TCEA1: variants seen among roughly 807,000 people sequenced by gnomAD.
The protein encoded by TCEA1 is transcription elongation factor A1.
Under a neutral mutation model 43.8 loss-of-function variants are expected in TCEA1, and 21 were observed. The observed-to-expected ratio is 0.48, with a 90% CI of 0.34 to 0.69. The LOEUF (loss-of-function observed/expected upper bound fraction) is 0.69, where lower values mean the gene tolerates loss of function less well. Among genes scored for constraint, TCEA1 ranks in the 30% least tolerant of loss-of-function variants. TCEA1 has a pLI of 0.01. For synonymous variants in TCEA1, 104 were observed against 117.5 expected, an observed-to-expected ratio of 0.88 and a Z score of 0.75; for missense variants, 250 against 365.1, an observed-to-expected ratio of 0.68 and a Z score of 2.57.
chr8:53,976,567 G>C lies in TCEA1; in HGVS notation c.825+2458C>G, dbSNP rs1366324950. Among the ~76,000 whole-genome samples the C allele has an allele frequency of 1.2e-4, 19 of 152,114 alleles. 1 individual carries two copies. Among genetic ancestry groups the C allele is most frequent in the Admixed American group, 1.2e-3 (19 of 15,278 alleles). ...GAAAATCATACTGGCTCCAACTTTA[G>C]GCTGGGTTCCTTTTGCTAAAAGAAA... is the stretch of plus-strand genomic sequence containing the variant. On this transcript the variant is annotated intron_variant, in intron 8 of 9. Coordinates refer to ENST00000521604, the MANE Select transcript of TCEA1 (RefSeq NM_006756.4).
intron 7 of TCEA1, among the ~76,000 whole-genome samples, chr8:53,981,133 G>A (rs1410253660): frequency 6.6e-6 from 1 of 152,166 alleles, no homozygotes; most frequent in Admixed American, 6.5e-5. Context: ...TGGTTCATGA[G>A]GTTTAAGGAA....
Position 53,988,180 on chromosome 8 carries a change from G to C in TCEA1, c.400C>G (p.Pro134Ala), listed in dbSNP as rs769590882. The C allele has an allele frequency of 1.2e-6, 2 of 1,613,060 alleles. No individual in the cohort carries two copies. The highest frequency in any genetic ancestry group is 2.7e-5 in the African/African-American group (2 of 75,034). ...AACCGCACAGAATCAGAAGTGCTTG[G>C]TGCCCGAGGAAAGGATGAAACATAA... is the stretch of plus-strand genomic sequence containing the variant. ...DTYVSSFPRA[P>A]STSDSVRLKC... Residue 134 changes from proline (P) to alanine (A), a missense_variant, in exon 5 of 10, where the codon CCA (proline) becomes GCA (alanine). Physicochemically the swap from Pro to Ala is conservative, Grantham distance 27. Coordinates refer to ENST00000521604, the MANE Select transcript of TCEA1 (RefSeq NM_006756.4).
At chr8:53,970,028 T>C (rs1355416551) in intron 9 of TCEA1, among the ~76,000 whole-genome samples, 1 of 152,136 alleles carries the variant, frequency 6.6e-6, no homozygotes. Context: ...AAAAAAATTT[T>C]CCAAAATCAA....
At chr8:53,998,598 C>T (rs940826721) in intron 3 of TCEA1, among the ~76,000 whole-genome samples, 3 of 152,130 alleles carry the variant, frequency 2.0e-5, no homozygotes, top group East Asian at 1.9e-4. Context: ...GACAAAATTG[C>T]GTTTAATTTT....
At chr8:53,986,200 A>G (rs1157455488) in intron 6 of TCEA1, among the ~76,000 whole-genome samples, 1 of 152,244 alleles carries the variant, frequency 6.6e-6, no homozygotes, top group Non-Finnish European at 1.5e-5. Context: ...TTTGAAAGCC[A>G]GTATGCAATT....
At chr8:53,968,827 G>A (rs980532390) in intron 9 of TCEA1, among the ~76,000 whole-genome samples, 1 of 152,094 alleles carries the variant, frequency 6.6e-6, no homozygotes, top group East Asian at 1.9e-4. Flanking sequence ...ACAAATCCAA[G>A]AGAACAGGCC....
chr8:54,018,818 TCTTA>T (rs1211152099), intron 1 of TCEA1, among the ~76,000 whole-genome samples: 2 of 152,202 alleles, frequency 1.3e-5, no homozygotes, highest in African/African-American at 4.8e-5. Flanking sequence ...AAGTTCATAC[TCTTA>T]CTTCCTGATT....
At chr8:54,016,792 G>C (rs1804842146) in intron 1 of TCEA1, among the ~76,000 whole-genome samples, 1 of 151,706 alleles carries the variant, frequency 6.6e-6, no homozygotes, top group Admixed American at 6.6e-5. Context: ...TGGCCAATAT[G>C]GTGAAACCCC....
intron 1 of TCEA1, chr8:54,021,762 A>T: frequency 3.5e-6 from 1 of 288,742 alleles, no homozygotes; most frequent in South Asian, 1.3e-4. Context: ...CCAAGGTTTT[A>T]CTAGCACGAA....
chr8:54,002,468 CA>C (rs113615731), intron 2 of TCEA1, among the ~76,000 whole-genome samples: 39 of 106,822 alleles, frequency 3.7e-4, no homozygotes, highest in Admixed American at 5.6e-4. Context: ...GACTCCGTCT[CA>C]AAAAAAAAAA....
chr8:54,019,743 A>G (rs1407509925), intron 1 of TCEA1, among the ~76,000 whole-genome samples: 1 of 152,178 alleles, frequency 6.6e-6, no homozygotes, highest in Non-Finnish European at 1.5e-5. Context: ...CTGATGATGC[A>G]GTTGGGGAAA....
At position 54,022,226 on chromosome 8, in the gene TCEA1, C is replaced by G. The variant is rs1805069518; in HGVS notation, c.-101G>C. ...GGAGCGACCCCCGGCGCGCAGCAAC[C>G]CCCACCACCGCAGGCCCGGGCCTAG... On this transcript the variant is annotated 5_prime_UTR_variant, in exon 1 of 10. Transcript: ENST00000521604. The G allele has an allele frequency of 7.4e-7, 1 of 1,347,796 alleles. No individual in the cohort carries two copies. The highest frequency in any genetic ancestry group is 1.0e-6 in the Non-Finnish European group (1 of 959,174). The allele number at this position is 1,347,796 out of a possible 1,614,324, so 83.5% of individuals were successfully genotyped here.
rs1801916905 is a variant in TCEA1 at position 53,988,230 on chromosome 8, T to C, written c.350A>G (p.Lys117Arg). The C allele has an allele frequency of 1.9e-6, 3 of 1,613,434 alleles. No individual in the cohort carries two copies. Among genetic ancestry groups the C allele is most frequent in the Admixed American group, 1.7e-5 (1 of 59,966 alleles). ...STSSGNVSNR[K>R]DETNARDTYV... ...AGTATCTCGAGCATTTGTCTCATCC[T>C]TTCTGTTGCTTACATTGCCGCTGGA... Residue 117 changes from lysine to arginine, a missense_variant, in exon 5 of 10, where the codon AAG (lysine) becomes AGG (arginine). By Grantham distance (26) the Lys-to-Arg change is conservative. This residue lies in a region of TCEA1 where 147 missense variants were observed against 160.3 expected (regional missense o/e 0.92). Transcript: ENST00000521604.
chr8:53,993,522 G>A, intron 4 of TCEA1, 146 bp downstream of exon 4: 1 of 551,860 alleles, frequency 1.8e-6, no homozygotes, highest in Non-Finnish European at 3.1e-6. Context: ...AAATAAATTA[G>A]AATACATGGC....
chr8:53,984,605 C>G (rs1437088457), intron 6 of TCEA1, 88 bp from the exon 7 acceptor site: 1 of 1,197,634 alleles, frequency 8.3e-7, no homozygotes, highest in Non-Finnish European at 1.1e-6. Context: ...TTCCTGAGGC[C>G]AGGCACGGTG....
At chr8:53,988,346 T>C (rs1803760336) in intron 4 of TCEA1, 87 bp from the exon 5 acceptor site, 1 of 1,482,588 alleles carries the variant, frequency 6.7e-7, no homozygotes, top group African/African-American at 1.4e-5. Flanking sequence ...AAAACAAAAT[T>C]TGGGGTCTAA....
In TCEA1 at chr8:53,967,222, A is replaced by G. The variant is rs1803012700; in HGVS notation, c.*882T>C. On this transcript the variant is annotated 3_prime_UTR_variant, in exon 10 of 10. Coordinates refer to ENST00000521604, the MANE Select transcript of TCEA1 (RefSeq NM_006756.4). ...TAGATTTCCGAATCAAAATCTAGTC[A>G]TGAACTGTTTACAATAGCTATACTA... The G allele has an allele frequency of 4.9e-6, 1 of 203,104 alleles. No individual in the cohort carries two copies. 12.6% of individuals were successfully genotyped at this position (203,104 alleles called of 1,614,324 possible).
rs764364857 is a variant in TCEA1 at position 53,988,122 on chromosome 8, C to T, written c.458G>A (p.Arg153Gln). ...ACATGCACTGGACTTACCCCCTGTTCGAAGAGCTGCAGCAAGCATCTCCCT... is the reference window on the plus strand; with the variant it reads ...ACATGCACTGGACTTACCCCCTGTTTGAAGAGCTGCAGCAAGCATCTCCCT... ...KCREMLAAAL[R>Q]TGDDYIAIGA... Residue 153 changes from arginine to glutamine, a missense_variant, in exon 5 of 10, where the codon CGA becomes CAA. Transcript: ENST00000521604. The T allele has an allele frequency of 1.6e-5, 26 of 1,610,764 alleles. No homozygotes were observed. In the South Asian group the frequency reaches 1.7e-4, roughly 10 times the overall value.
In TCEA1 at chr8:53,967,293, G is replaced by A. The variant is rs1227380460; in HGVS notation, c.*811C>T. 4.9e-6 allele frequency: 1 copy of A among 202,480 alleles called. No homozygotes were observed. The highest frequency in any genetic ancestry group is 7.7e-5 in the East Asian group (1 of 13,008). 12.5% of individuals were successfully genotyped at this position (202,480 alleles called of 1,614,324 possible). On this transcript the variant is annotated 3_prime_UTR_variant, in exon 10 of 10. Transcript: ENST00000521604. Reference sequence around the variant, plus strand: ...TCTTTCCAGTATGTCTTCCTAAGAGGGGAAAAAAATAGTGGGAAGTTTTCA... The same window carrying A: ...TCTTTCCAGTATGTCTTCCTAAGAGAGGAAAAAAATAGTGGGAAGTTTTCA...
Sources: gnomAD v4.1 joint callset for allele counts (sites outside exome capture counted in the v4.1 genomes callset) on GRCh38, gnomAD v4.1.1 for gene constraint, gnomAD v4.1.1 regional missense constraint, MANE v1.5 for transcripts, NCBI Gene and HGNC (gene_info 2026-07-23, HGNC 2026-07-21) for gene names.